The following PXDNL variants were observed in gnomAD, a reference collection of about 807,000 sequenced individuals.
PXDNL encodes peroxidasin like, also known as probable oxidoreductase PXDNL.
Under a neutral mutation model 150.8 loss-of-function variants are expected in PXDNL, and 145 were observed. That is an observed-to-expected ratio of 0.96 (90% CI 0.84 to 1.10). The LOEUF is 1.10. Ranked by LOEUF, PXDNL falls within the 50% of genes least tolerant of loss-of-function variation. The probability of loss-of-function intolerance (pLI) is 0.00; values close to 1 mark genes in which losing one functional copy is unlikely to be tolerated. For synonymous variants in PXDNL, 757 were observed against 725.7 expected (o/e 1.04, Z -0.69); for missense variants, 2,087 against 1,873.9 (o/e 1.11, Z -2.10).
chr8:51,386,468 TAGAAAA>T (rs887395209), intron 17 of PXDNL, among the ~76,000 whole-genome samples: 2 of 151,686 alleles, frequency 1.3e-5, no homozygotes, highest in African/African-American at 4.9e-5. Context: ...AGATGACTGA[TAGAAAA>T]AGAGATAAAG....
chr8:51,459,112 A>G (rs1208908509), intron 8 of PXDNL, among the ~76,000 whole-genome samples: 1 of 152,256 alleles, frequency 6.6e-6, no homozygotes, highest in African/African-American at 2.4e-5. Context: ...CAGTGTAAGT[A>G]GCATGAAACG....
chr8:51,353,402 A>G (rs1390052942), intron 19 of PXDNL, among the ~76,000 whole-genome samples: 1 of 151,882 alleles, frequency 6.6e-6, no homozygotes, highest in Non-Finnish European at 1.5e-5. Flanking sequence ...TAATAAAACT[A>G]CAAGTTTGTT....
At chr8:51,488,768 A>G (rs747031888) in intron 5 of PXDNL, among the ~76,000 whole-genome samples, 5 of 152,222 alleles carry the variant, frequency 3.3e-5, no homozygotes, top group Non-Finnish European at 5.9e-5. Context: ...TCAATAGACA[A>G]TGAAGAATCA....
chr8:51,520,109 C>T (rs575965324), intron 4 of PXDNL, among the ~76,000 whole-genome samples: 16 of 152,022 alleles, frequency 1.1e-4, no homozygotes, highest in Non-Finnish European at 1.8e-4. Context: ...GAAAGAATGC[C>T]GGGGAATCTG....
At chr8:51,419,029 C>A (rs912186941) in intron 14 of PXDNL, among the ~76,000 whole-genome samples, 2 of 152,014 alleles carry the variant, frequency 1.3e-5, no homozygotes, top group Non-Finnish European at 2.9e-5. Flanking sequence ...CCTGCTTCTG[C>A]TATGAAGGCA....
chr8:51,655,121 A>G (rs1225909837), intron 1 of PXDNL, among the ~76,000 whole-genome samples: 2 of 152,242 alleles, frequency 1.3e-5, no homozygotes, highest in Non-Finnish European at 2.9e-5. Flanking sequence ...TTAGTTTGGA[A>G]AATAATTGAT....
intron 6 of PXDNL, among the ~76,000 whole-genome samples, chr8:51,475,938 A>G (rs988541358): frequency 2.6e-5 from 4 of 152,074 alleles, no homozygotes; most frequent in African/African-American, 9.7e-5. Context: ...CTGTGTCTAC[A>G]ATTTTTTAGT....
intron 7 of PXDNL, among the ~76,000 whole-genome samples, chr8:51,472,850 G>A (rs1210568351): frequency 1.3e-5 from 2 of 152,188 alleles, no homozygotes; most frequent in African/African-American, 4.8e-5. Context: ...AGAAGATGGA[G>A]TGATTGATTT....
At chr8:51,490,727 A>AGTGTGTGTGTGTGT (rs35415972) in intron 5 of PXDNL, among the ~76,000 whole-genome samples, 1 of 147,234 alleles carries the variant, frequency 6.8e-6, no homozygotes, top group African/African-American at 2.5e-5. Flanking sequence ...TTGACTTTCT[A>AGTGTGTGTGTGTGT]GTGTGTGTGT....
chr8:51,543,377 A>G (rs1449733276), intron 4 of PXDNL, among the ~76,000 whole-genome samples: 2 of 152,208 alleles, frequency 1.3e-5, no homozygotes, highest in Admixed American at 6.5e-5. Flanking sequence ...AAGGTACTCT[A>G]GTAAAATATC....
At chr8:51,371,841 A>T (rs1161110933) in intron 19 of PXDNL, 32 bp downstream of exon 19, 1 of 1,540,576 alleles carries the variant, frequency 6.5e-7, no homozygotes, top group Non-Finnish European at 9.0e-7. Context: ...ATGCACATCA[A>T]TCCAGATCGT....
intron 1 of PXDNL, chr8:51,721,730 T>TATC (rs1816734506): frequency 2.3e-6 from 1 of 437,346 alleles, no homozygotes; most frequent in Admixed American, 2.3e-5. Context: ...GGAACTTCAC[T>TATC]ATCATCATCA....
intron 20 of PXDNL, among the ~76,000 whole-genome samples, chr8:51,345,405 G>C (rs1806118739): frequency 6.6e-6 from 1 of 152,054 alleles, no homozygotes; most frequent in South Asian, 2.1e-4. Flanking sequence ...ATTCCATCTT[G>C]GTCACAAATC....
intron 21 of PXDNL, among the ~76,000 whole-genome samples, chr8:51,323,200 C>A (rs1395776370): frequency 6.6e-6 from 1 of 152,160 alleles, no homozygotes; most frequent in African/African-American, 2.4e-5. Context: ...AAACTTTAGG[C>A]ACTTAGGACA....
At chr8:51,365,661 T>C (rs1039556226) in intron 19 of PXDNL, among the ~76,000 whole-genome samples, 4 of 152,148 alleles carry the variant, frequency 2.6e-5, no homozygotes, top group Non-Finnish European at 5.9e-5. Flanking sequence ...TGACAAAAAC[T>C]CAAAGAAACA....
At chr8:51,776,275 G>A (rs2037352460) in intron 1 of PXDNL, among the ~76,000 whole-genome samples, 1 of 152,070 alleles carries the variant, frequency 6.6e-6, no homozygotes, top group African/African-American at 2.4e-5. Flanking sequence ...ATCACCTTGT[G>A]AAGCATGTGA....
At chr8:51,321,825 GCCACAC>G (rs1805325544) in intron 21 of PXDNL, among the ~76,000 whole-genome samples, 1 of 152,126 alleles carries the variant, frequency 6.6e-6, no homozygotes. Flanking sequence ...TAACACAGAA[GCCACAC>G]TCAGTTCTGC....
intron 1 of PXDNL, among the ~76,000 whole-genome samples, chr8:51,658,532 C>T (rs1326155808): frequency 6.6e-6 from 1 of 152,066 alleles, no homozygotes; most frequent in African/African-American, 2.4e-5. Context: ...TAGGTAAGTA[C>T]ATTATAAGCT....
At chr8:51,781,195 T>C (rs987279132) in intron 1 of PXDNL, among the ~76,000 whole-genome samples, 5 of 152,214 alleles carry the variant, frequency 3.3e-5, no homozygotes, top group Non-Finnish European at 5.9e-5. Context: ...AGGAGACCTC[T>C]ATAAATCAGA....
Sources: allele counts gnomAD v4.1 joint callset (sites outside exome capture counted in the v4.1 genomes callset), GRCh38; gene constraint gnomAD v4.1.1; transcripts MANE v1.5; gene names NCBI Gene and HGNC (gene_info 2026-07-23, HGNC 2026-07-21).